KHDRBS2: variants seen among roughly 807,000 people sequenced by gnomAD.
KHDRBS2 encodes the protein KH RNA binding domain containing, signal transduction associated 2, also known as KH domain-containing, RNA-binding, signal transduction-associated protein 2.
Under a neutral mutation model 44.3 loss-of-function variants are expected in KHDRBS2, and 26 were observed. That is an observed-to-expected ratio of 0.59 (90% CI 0.43 to 0.81). KHDRBS2 has a LOEUF of 0.81. KHDRBS2 is among the 40% of genes least tolerant of loss of function. KHDRBS2 has a pLI of 0.00. For missense variants in KHDRBS2, 476 were observed against 433.1 expected, an observed-to-expected ratio of 1.10 and a Z score of -0.88; for synonymous variants, 194 against 151.1, an observed-to-expected ratio of 1.28 and a Z score of -2.08.
At chr6:61,688,222 T>C (rs1267607862) in intron 8 of KHDRBS2, among the ~76,000 whole-genome samples, 1 of 151,874 alleles carries the variant, frequency 6.6e-6, no homozygotes, top group Non-Finnish European at 1.5e-5. Flanking sequence ...TAATAACTCA[T>C]TTAAATAAAA....
chr6:61,702,123 G>A (rs1460099012), intron 7 of KHDRBS2, among the ~76,000 whole-genome samples: 2 of 151,754 alleles, frequency 1.3e-5, no homozygotes, highest in Admixed American at 6.6e-5. Context: ...AAGACTTCTC[G>A]TTGTTCCCCT....
chr6:62,054,759 C>G (rs956260427), intron 2 of KHDRBS2, among the ~76,000 whole-genome samples: 11 of 151,948 alleles, frequency 7.2e-5, no homozygotes, highest in African/African-American at 2.2e-4. Context: ...GGAATGCAAC[C>G]CTGCAGACAC....
At chr6:61,633,169 C>G in the KHDRBS2 span, among the ~76,000 whole-genome samples, 1 of 151,692 alleles carries the variant, frequency 6.6e-6, no homozygotes, top group African/African-American at 2.4e-5. Context: ...TATTTACCAG[C>G]CAAATAAAAG....
Position 61,945,113 on chromosome 6 carries a change from GTATATATATA to G in KHDRBS2, c.483+32943_483+32952del, listed in dbSNP as rs61105265. 2.7e-3 allele frequency among the ~76,000 whole-genome samples: 40 copies of G among 14,994 alleles called. 3 individuals carry two copies. In the South Asian group the frequency reaches 0.039, roughly 15 times the overall value. The allele number at this position is 14,994 out of a possible 152,430, so 9.8% of individuals were successfully genotyped here. ...CTTAAAAAAAAAAAAAAAAAAAAAA[GTATATATATA>G]TATATATATATATATATATATATAT... On this transcript the variant is annotated intron_variant, in intron 4 of 8. Coordinates refer to ENST00000281156, the MANE Select transcript of KHDRBS2 (RefSeq NM_152688.4).
At chr6:61,543,298 A>G in the KHDRBS2 span, among the ~76,000 whole-genome samples, 1 of 152,052 alleles carries the variant, frequency 6.6e-6, no homozygotes, top group Non-Finnish European at 1.5e-5. Context: ...TAAATGAGCA[A>G]AAGATCTCAG....
chr6:61,752,780 G>C (rs552877523), intron 6 of KHDRBS2, among the ~76,000 whole-genome samples: 1 of 151,386 alleles, frequency 6.6e-6, no homozygotes, highest in Non-Finnish European at 1.5e-5. Context: ...ATTAAACTGA[G>C]TATATATTAT....
intron 2 of KHDRBS2, among the ~76,000 whole-genome samples, chr6:62,085,686 T>C (rs1410171783): frequency 6.6e-6 from 1 of 152,126 alleles, no homozygotes; most frequent in Non-Finnish European, 1.5e-5. Context: ...TTTACCAGAA[T>C]AATGAAAGGC....
chr6:61,771,492 A>T (rs1247122314), intron 6 of KHDRBS2, among the ~76,000 whole-genome samples: 1 of 152,194 alleles, frequency 6.6e-6, no homozygotes, highest in Non-Finnish European at 1.5e-5. Context: ...ATGGAGGAAG[A>T]TCTACCAAGC....
At chr6:62,251,839 T>C (rs1212990863) in intron 1 of KHDRBS2, among the ~76,000 whole-genome samples, 1 of 144,642 alleles carries the variant, frequency 6.9e-6, no homozygotes, top group Non-Finnish European at 1.5e-5. Context: ...TACTTAAAAT[T>C]TGCTATTATT....
intron 5 of KHDRBS2, among the ~76,000 whole-genome samples, chr6:61,899,154 C>T (rs1803470538): frequency 6.6e-6 from 1 of 151,720 alleles, no homozygotes; most frequent in South Asian, 2.1e-4. Context: ...CATTCTTTCC[C>T]AAATTAAGGT....
chr6:61,623,632 T>A, the KHDRBS2 span, among the ~76,000 whole-genome samples: 51 of 152,310 alleles, frequency 3.3e-4, no homozygotes, highest in African/African-American at 1.2e-3. Context: ...CATCATTGAT[T>A]AAGCCTGAGC....
intron 1 of KHDRBS2, among the ~76,000 whole-genome samples, chr6:62,221,975 T>C (rs1830976627): frequency 6.6e-6 from 1 of 152,122 alleles, no homozygotes; most frequent in Non-Finnish European, 1.5e-5. Flanking sequence ...TACAATTAAG[T>C]CCTAAACAAG....
At chr6:62,223,207 T>C (rs934122872) in intron 1 of KHDRBS2, among the ~76,000 whole-genome samples, 2 of 152,240 alleles carry the variant, frequency 1.3e-5, no homozygotes, top group African/African-American at 4.8e-5. Flanking sequence ...ACCTCAATTC[T>C]AGACTTCTGT....
the KHDRBS2 span, among the ~76,000 whole-genome samples, chr6:61,569,514 C>T: frequency 2.0e-5 from 3 of 152,186 alleles, no homozygotes; most frequent in East Asian, 5.8e-4. Context: ...ACAGACTAAC[C>T]CTGATCCCAG....
chr6:61,673,138 T>A, the KHDRBS2 span, among the ~76,000 whole-genome samples: 19 of 151,974 alleles, frequency 1.3e-4, no homozygotes. Flanking sequence ...CTCAGGTTTG[T>A]CAAAGATCAG....
At chr6:62,138,327 A>C (rs1186691304) in intron 2 of KHDRBS2, among the ~76,000 whole-genome samples, 1 of 152,230 alleles carries the variant, frequency 6.6e-6, no homozygotes, top group Non-Finnish European at 1.5e-5. Flanking sequence ...TAATCAGATA[A>C]TTTGAAGATG....
At chr6:61,584,107 G>T in the KHDRBS2 span, among the ~76,000 whole-genome samples, 1 of 151,538 alleles carries the variant, frequency 6.6e-6, no homozygotes, top group Non-Finnish European at 1.5e-5. Flanking sequence ...TTTTCTCATA[G>T]ATGTCCTTAG....
chr6:62,077,647 GA>G (rs1182096288), intron 2 of KHDRBS2, among the ~76,000 whole-genome samples: 2 of 151,940 alleles, frequency 1.3e-5, no homozygotes, highest in Non-Finnish European at 2.9e-5. Flanking sequence ...ACCCCTTGGA[GA>G]AAAATGGCCC....
chr6:61,686,813 A>G (rs1400017932), intron 8 of KHDRBS2, among the ~76,000 whole-genome samples: 5 of 150,988 alleles, frequency 3.3e-5, no homozygotes, highest in Non-Finnish European at 5.9e-5. Context: ...ATAAAACAAG[A>G]CTTAATTTAT....
Sources: gnomAD v4.1 joint callset for allele counts (sites outside exome capture counted in the v4.1 genomes callset) on GRCh38, gnomAD v4.1.1 for gene constraint, MANE v1.5 for transcripts, NCBI Gene and HGNC (gene_info 2026-07-23, HGNC 2026-07-21) for gene names.